The following HEATR1 variants were observed in gnomAD, a reference collection of about 807,000 sequenced individuals.
The protein encoded by HEATR1 is HEAT repeat-containing protein 1.
HEATR1 carries 77 observed loss-of-function variants against 248.2 expected under a neutral mutation model. That is an observed-to-expected ratio of 0.31 (90% CI 0.26 to 0.37). The LOEUF (loss-of-function observed/expected upper bound fraction) is 0.37, where lower values mean the gene tolerates loss of function less well. Ranked by LOEUF, HEATR1 falls within the 10% of genes least tolerant of loss-of-function variation. The pLI is 1.00. For synonymous variants in HEATR1, 897 were observed against 923.1 expected (o/e 0.97, Z 0.51); for missense variants, 2,420 against 2,504.9 (o/e 0.97, Z 0.72).
At chr1:236,581,123 T>C in intron 20 of HEATR1, 99 bp downstream of exon 20, 1 of 828,152 alleles carries the variant, frequency 1.2e-6, no homozygotes, top group Non-Finnish European at 1.9e-6. Context: ...TGCCCTCTGC[T>C]ATTTTTTTTT....
At chr1:236,555,966 G>A in intron 38 of HEATR1, 27 bp from the exon 39 acceptor site, 4 of 1,611,920 alleles carry the variant, frequency 2.5e-6, no homozygotes, top group Non-Finnish European at 3.4e-6. Context: ...AAAGAGATGT[G>A]CCATTTTCAA....
chr1:236,559,056 C>A lies in HEATR1; in HGVS notation c.4850G>T (p.Arg1617Leu), dbSNP rs753570196. The change falls in exon 35 of 45, where the codon CGC (arginine) becomes CTC (leucine). Residue 1617 changes from arginine (R) to leucine (L), a missense_variant. Coordinates refer to ENST00000366582, the MANE Select transcript of HEATR1 (RefSeq NM_018072.6). ...GTTATTCAAAAGGTCCAGCGCTTTG[C>A]GGCGAACAGATGGCAGGGGATTGCC... is the stretch of plus-strand genomic sequence containing the variant. The part of the protein sequence containing the change: ...LVGNPLPSVR[R>L]KALDLLNNKL... The A allele has an allele frequency of 1.9e-6, 3 of 1,612,526 alleles. No individual in the cohort carries two copies. Among genetic ancestry groups the A allele is most frequent in the Non-Finnish European group, 2.5e-6 (3 of 1,179,600 alleles).
intron 5 of HEATR1, 48 bp downstream of exon 5, chr1:236,597,830 C>T: frequency 8.3e-7 from 1 of 1,203,266 alleles, no homozygotes; most frequent in South Asian, 1.3e-5. Flanking sequence ...TCATTCAAAG[C>T]AAGCAATCTT....
Position 236,586,365 on chromosome 1 carries a change from T to C in HEATR1, c.1803A>G (p.Val601=), listed in dbSNP as rs768476422. Residue 601 remains valine, a synonymous_variant, in exon 15 of 45, where the codon GTA becomes GTG. Transcript: ENST00000366582. ...TGATAACCATAAATGGCAGCAAACA[T>C]ACAACCACCTGATTTGACAACTGAT... The part of the protein sequence containing the change: ...ENDQLSNQVV[V]CLLPFMVINN... 1.2e-6 allele frequency: 2 copies of C among 1,612,828 alleles called. No homozygotes were observed. Among genetic ancestry groups the C allele is most frequent in the Non-Finnish European group, 1.7e-6 (2 of 1,179,024 alleles).
chr1:236,566,869 C>T lies in HEATR1; in HGVS notation c.4085G>A (p.Ser1362Asn). Residue 1362 changes from serine (S) to asparagine (N), a missense_variant, in exon 30 of 45, where the codon AGT becomes AAT. By Grantham distance (46) the Ser-to-Asn change is conservative. Transcript: ENST00000366582. ...MVIPALIQSD[S>N]GDSIEVSRNV... is the part of the protein sequence containing the mutation. Reference sequence around the variant, plus strand: ...TCTTGAAACTTCTATAGAATCTCCACTATCAGACTGCAAAACAGCAAGCAG... The same window carrying T: ...TCTTGAAACTTCTATAGAATCTCCATTATCAGACTGCAAAACAGCAAGCAG... 1 of 1,610,366 alleles carries T rather than the reference C, an allele frequency of 6.2e-7. No individual in the cohort carries two copies. The highest frequency in any genetic ancestry group is 8.5e-7 in the Non-Finnish European group (1 of 1,176,688).
chr1:236,598,284 G>A (rs898476878), intron 4 of HEATR1, among the ~76,000 whole-genome samples: 5 of 152,108 alleles, frequency 3.3e-5, no homozygotes, highest in Admixed American at 2.6e-4. Context: ...TTACTGGTTC[G>A]ATTTGGTTTC....
chr1:236,594,281 T>A (rs16834028), intron 8 of HEATR1, among the ~76,000 whole-genome samples, 167 bp from the exon 9 acceptor site: 8,348 of 152,324 alleles, frequency 0.055, 374 homozygotes, highest in East Asian at 0.24. Flanking sequence ...TCATTTATAT[T>A]TTTTAAAGCT....
intron 26 of HEATR1, 42 bp from the exon 27 acceptor site, chr1:236,571,728 T>C: frequency 7.0e-7 from 1 of 1,428,346 alleles, no homozygotes; most frequent in Non-Finnish European, 9.9e-7. Flanking sequence ...AATGTAAAAG[T>C]TGTACAATTC....
At position 236,572,786 on chromosome 1, in the gene HEATR1, G is replaced by A. The variant is rs1287081321; in HGVS notation, c.3502C>T (p.Pro1168Ser). The change falls in exon 25 of 45, where the codon CCA (proline) becomes TCA (serine). Residue 1168 changes from proline to serine, a missense_variant. Pro to Ser is a moderately conservative substitution (Grantham distance 74). Coordinates refer to ENST00000366582, the MANE Select transcript of HEATR1 (RefSeq NM_018072.6). ...AEQVRIELEP[P>S]DKAKPLGTVQ... ...GTGCCCAAGGGTTTAGCTTTATCTG[G>A]TGGCTCCAGTTCTATTCGGACTTGT... 6.2e-7 allele frequency: 1 copy of A among 1,613,824 alleles called. No homozygotes were observed. Among genetic ancestry groups the A allele is most frequent in the East Asian group, 2.2e-5 (1 of 44,888 alleles).
At position 236,554,645 on chromosome 1, in the gene HEATR1, T is replaced by C. The variant is rs1473669843; in HGVS notation, c.6031A>G (p.Ile2011Val). ...AAGGCTTCTGCTCTCTCTTTACTTA[T>C]AAAATGCTGGGTATCAAAAAGGAAG... ...KIFLFDTQHF[I>V]SKERAEALMM... The change falls in exon 42 of 45, where the codon ATA becomes GTA. Residue 2011 changes from isoleucine (I) to valine (V), a missense_variant. Physicochemically the swap from Ile to Val is conservative, Grantham distance 29. Coordinates refer to ENST00000366582, the MANE Select transcript of HEATR1 (RefSeq NM_018072.6). 2.5e-6 allele frequency: 4 copies of C among 1,613,362 alleles called. No individual in the cohort carries two copies. Among genetic ancestry groups the C allele is most frequent in the Middle Eastern group, 1.7e-4 (1 of 6,060 alleles).
chr1:236,559,851 G>A lies in HEATR1; in HGVS notation c.4647-14C>T, dbSNP rs1287569384. 9 of 1,586,248 alleles carry A rather than the reference G, an allele frequency of 5.7e-6. No individual in the cohort carries two copies. Among genetic ancestry groups the A allele is most frequent in the Non-Finnish European group, 7.8e-6 (9 of 1,161,214 alleles). On this transcript the variant is annotated splice_polypyrimidine_tract_variant and intron_variant, in intron 33 of 44. Coordinates refer to ENST00000366582, the MANE Select transcript of HEATR1 (RefSeq NM_018072.6). Reference sequence around the variant, plus strand: ...GTCTCCAGCAACCTGAAACACAGAGGCTCGCTCAGCAAACGGCAGCTGAAG... The same window carrying A: ...GTCTCCAGCAACCTGAAACACAGAGACTCGCTCAGCAAACGGCAGCTGAAG...
In HEATR1 at chr1:236,557,287, C is replaced by A. The variant is rs1663003525; in HGVS notation, c.5263G>T (p.Val1755Phe). Reference sequence around the variant, plus strand: ...GCAGCCAAGGCACTGAGCAGGTAGACCTCGCTGGAGACCAGCTCGCTGGTG... The same window carrying A: ...GCAGCCAAGGCACTGAGCAGGTAGAACTCGCTGGAGACCAGCTCGCTGGTG... Reference protein sequence around the residue: ...KNTSELVSSEVYLLSALAALQ... With the variant: ...KNTSELVSSEFYLLSALAALQ... Residue 1755 changes from valine to phenylalanine, a missense_variant, in exon 37 of 45, where the codon GTC becomes TTC. Val to Phe is a conservative substitution (Grantham distance 50). Coordinates refer to ENST00000366582, the MANE Select transcript of HEATR1 (RefSeq NM_018072.6). The A allele has an allele frequency of 3.1e-6, 5 of 1,614,046 alleles. No individual in the cohort carries two copies. In the East Asian group the frequency reaches 8.9e-5, roughly 29 times the overall value.
At position 236,555,354 on chromosome 1, in the gene HEATR1, G is replaced by A. The variant is rs746631364; in HGVS notation, c.5865C>T (p.Ala1955=). ...CAGCAAAAGGCTTCACTAAGTGGCC[G>A]GCAAACAGAGTAAAAAGCCCTTTCA... ...EKLKGLFTLF[A]GHLVKPFADT... is the part of the protein sequence containing the mutation. Residue 1955 remains alanine (A), a synonymous_variant, in exon 41 of 45, where the codon GCC becomes GCT. Coordinates refer to ENST00000366582, the MANE Select transcript of HEATR1 (RefSeq NM_018072.6). The A allele has an allele frequency of 1.1e-5, 17 of 1,614,082 alleles. No individual in the cohort carries two copies. The highest frequency in any genetic ancestry group is 1.6e-4 in the Middle Eastern group (1 of 6,084).
chr1:236,559,096 T>C lies in HEATR1; in HGVS notation c.4810A>G (p.Ile1604Val). Residue 1604 changes from isoleucine to valine, a missense_variant, in exon 35 of 45, where the codon ATC (isoleucine) becomes GTC (valine). Ile to Val is a conservative substitution (Grantham distance 29). Transcript: ENST00000366582. ...LLPTETFIPV[I>V]RGLVGNPLPS... ...AGGGGATTGCCCACCAGCCCTCTGATCACAGGAATGAATGTCTCTGTGGGC... is the reference window on the plus strand; with the variant it reads ...AGGGGATTGCCCACCAGCCCTCTGACCACAGGAATGAATGTCTCTGTGGGC... 1 of 1,611,294 alleles carries C rather than the reference T, an allele frequency of 6.2e-7. No homozygotes were observed. Among genetic ancestry groups the C allele is most frequent in the South Asian group, 1.1e-5 (1 of 90,590 alleles).
intron 23 of HEATR1, 36 bp from the exon 24 acceptor site, chr1:236,574,369 G>T: frequency 6.3e-7 from 1 of 1,576,934 alleles, no homozygotes; most frequent in Non-Finnish European, 8.6e-7. Flanking sequence ...TGAGTTCAGT[G>T]AACAAGTTTA....
At chr1:236,566,602 T>G in intron 30 of HEATR1, 44 bp downstream of exon 30, 5 of 1,374,576 alleles carry the variant, frequency 3.6e-6, no homozygotes, top group East Asian at 2.3e-5. Context: ...AAAATCTGTG[T>G]GAGAAATCAC....
chr1:236,567,119 C>A (rs1663293040), intron 29 of HEATR1, among the ~76,000 whole-genome samples: 1 of 152,104 alleles, frequency 6.6e-6, no homozygotes, highest in Non-Finnish European at 1.5e-5. Context: ...TCCGAAGAAG[C>A]TGGGACATCC....
chr1:236,569,948 T>TA (rs1663379048), intron 28 of HEATR1, among the ~76,000 whole-genome samples: 1 of 152,148 alleles, frequency 6.6e-6, no homozygotes, highest in Non-Finnish European at 1.5e-5. Flanking sequence ...TATTCAGTCA[T>TA]AAAAGGAATA....
intron 29 of HEATR1, among the ~76,000 whole-genome samples, chr1:236,567,733 T>C (rs957233826): frequency 3.9e-5 from 6 of 152,036 alleles, no homozygotes; most frequent in Non-Finnish European, 7.4e-5. Flanking sequence ...AAACAATACA[T>C]GTGTGAAAAG....
Sources: gnomAD v4.1 joint callset for allele counts (sites outside exome capture counted in the v4.1 genomes callset) on GRCh38, gnomAD v4.1.1 for gene constraint, MANE v1.5 for transcripts, NCBI Gene and HGNC (gene_info 2026-07-23, HGNC 2026-07-21) for gene names.